AFF3: variants seen among roughly 807,000 people sequenced by gnomAD.
AFF3 encodes ALF transcription elongation factor 3.
A neutral mutation model predicts 129.7 loss-of-function variants in AFF3; 32 were observed. The observed-to-expected ratio is 0.25, with a 90% confidence interval of 0.19 to 0.33. AFF3 has a LOEUF of 0.33. Among genes scored for constraint, AFF3 ranks in the 10% least tolerant of loss-of-function variants. AFF3 has a pLI of 1.00. For synonymous variants in AFF3, 644 were observed against 635.4 expected (o/e 1.01, Z -0.20); for missense variants, 1,373 against 1,592.0 (o/e 0.86, Z 2.34).
chr2:99,600,090 G>C (rs1409385208), intron 14 of AFF3, among the ~76,000 whole-genome samples: 3 of 152,154 alleles, frequency 2.0e-5, no homozygotes, highest in Admixed American at 6.5e-5. Context: ...TTACCATAAG[G>C]CTTTCATAGG....
chr2:99,586,554 C>G (rs1559507596), intron 16 of AFF3, among the ~76,000 whole-genome samples: 1 of 152,158 alleles, frequency 6.6e-6, no homozygotes, highest in Non-Finnish European at 1.5e-5. Flanking sequence ...GAAAGAGCTT[C>G]TACGACTGAT....
At chr2:99,962,748 C>T (rs1020935504) in intron 7 of AFF3, among the ~76,000 whole-genome samples, 29 of 150,970 alleles carry the variant, frequency 1.9e-4, no homozygotes, top group African/African-American at 6.6e-4. Context: ...TTGTCTTTTC[C>T]GTTTTTTTTA....
chr2:99,736,608 A>AT (rs11399049), intron 10 of AFF3, among the ~76,000 whole-genome samples: 84,813 of 125,590 alleles, frequency 0.68, 30,271 homozygotes, highest in South Asian at 0.88. Context: ...TAAATTACTG[A>AT]TTTTTTTTTT....
At chr2:99,844,198 G>T (rs1689536753) in intron 7 of AFF3, among the ~76,000 whole-genome samples, 1 of 152,108 alleles carries the variant, frequency 6.6e-6, no homozygotes, top group African/African-American at 2.4e-5. Context: ...TGTACGAAGA[G>T]GAGCAAACCA....
At chr2:99,727,519 G>A (rs1003462104) in intron 10 of AFF3, among the ~76,000 whole-genome samples, 9 of 151,582 alleles carry the variant, frequency 5.9e-5, no homozygotes, top group African/African-American at 2.2e-4. Context: ...GCTAACATAA[G>A]CCAAACCAGG....
At position 99,633,990 on chromosome 2, in the gene AFF3, C is replaced by T. The variant is rs1045045623; in HGVS notation, c.1184+15636G>A. Among the ~76,000 whole-genome samples, 83 of 148,376 alleles carry T rather than the reference C, an allele frequency of 5.6e-4. 1 individual carries two copies. Among genetic ancestry groups the T allele is most frequent in the Non-Finnish European group, 8.9e-5 (6 of 67,736 alleles). On this transcript the variant is annotated intron_variant, in intron 13 of 24. Coordinates refer to ENST00000672756, the MANE Select transcript of AFF3 (RefSeq NM_001386135.1). ...AGTGCAGTGGCATGATCTCAGCTCG[C>T]TGCCTCCTCCGCCTCCTGGGTTCAA...
intron 10 of AFF3, among the ~76,000 whole-genome samples, chr2:99,736,599 A>G (rs1680277791): frequency 6.9e-6 from 1 of 145,714 alleles, no homozygotes; most frequent in African/African-American, 2.5e-5. Context: ...CCATTTGTTT[A>G]AATTACTGAT....
At chr2:100,092,035 T>C (rs1366483530) in intron 4 of AFF3, among the ~76,000 whole-genome samples, 1 of 151,110 alleles carries the variant, frequency 6.6e-6, no homozygotes, top group Non-Finnish European at 1.5e-5. Flanking sequence ...TCTTGTCCAA[T>C]CTCAAGGCTT....
intron 7 of AFF3, among the ~76,000 whole-genome samples, chr2:99,950,033 T>A (rs1469670159): frequency 6.6e-6 from 1 of 152,180 alleles, no homozygotes; most frequent in African/African-American, 2.4e-5. Context: ...ACTCTACTCT[T>A]CTATTTTCCC....
chr2:99,593,101 C>T, intron 15 of AFF3, 94 bp downstream of exon 15: 1 of 1,427,904 alleles, frequency 7.0e-7, no homozygotes, highest in Non-Finnish European at 9.3e-7. Flanking sequence ...CCGTCCCAAA[C>T]AGCAGCCTAT....
chr2:99,979,805 T>A (rs1179000844), intron 7 of AFF3, among the ~76,000 whole-genome samples: 1 of 152,144 alleles, frequency 6.6e-6, no homozygotes, highest in Non-Finnish European at 1.5e-5. Flanking sequence ...TACCTTTTAT[T>A]TTTAAAAAAT....
At chr2:99,616,582 T>C (rs565737595) in intron 13 of AFF3, among the ~76,000 whole-genome samples, 2 of 152,194 alleles carry the variant, frequency 1.3e-5, no homozygotes, top group East Asian at 1.9e-4. Flanking sequence ...GGTGAAACCC[T>C]GTCTCTACTA....
Position 99,963,507 on chromosome 2 carries a change from G to A in AFF3, c.873+43125C>T, listed in dbSNP as rs368199585. On this transcript the variant is annotated intron_variant, in intron 7 of 24. Transcript: ENST00000672756. ...GCAGTCAGGTTTCTACATTCTACAC[G>A]AGGTTTAACACTCATTCAAAGTGGT... Among the ~76,000 whole-genome samples the A allele has an allele frequency of 2.5e-4, 38 of 152,062 alleles. No homozygotes were observed. The East Asian group carries it at 5.4e-3, about 22-fold the overall frequency.
intron 19 of AFF3, among the ~76,000 whole-genome samples, chr2:99,566,403 T>C (rs1675971602): frequency 6.6e-6 from 1 of 152,182 alleles, no homozygotes; most frequent in Admixed American, 6.5e-5. Context: ...TGATTTTTGG[T>C]TGGGCCTGGC....
intron 4 of AFF3, among the ~76,000 whole-genome samples, chr2:100,024,175 T>C (rs1573159799): frequency 8.0e-6 from 1 of 125,338 alleles, no homozygotes; most frequent in African/African-American, 3.2e-5. Context: ...GAGCTTGCAG[T>C]GAGCCGAGAT....
At chr2:100,041,812 A>G (rs1414829048) in intron 4 of AFF3, among the ~76,000 whole-genome samples, 1 of 152,154 alleles carries the variant, frequency 6.6e-6, no homozygotes, top group African/African-American at 2.4e-5. Context: ...TTTCAACCAA[A>G]CATATAGAAG....
chr2:99,744,058 C>A, intron 10 of AFF3, 46 bp downstream of exon 10: 1 of 1,553,398 alleles, frequency 6.4e-7, no homozygotes, highest in Non-Finnish European at 8.8e-7. Flanking sequence ...CCTCTGCCCC[C>A]ACCCCCTGCT....
chr2:99,905,477 G>C (rs1405793318), intron 7 of AFF3, among the ~76,000 whole-genome samples: 1 of 152,120 alleles, frequency 6.6e-6, no homozygotes, highest in Non-Finnish European at 1.5e-5. Context: ...TATATCATCA[G>C]CTACAGTTTC....
intron 4 of AFF3, among the ~76,000 whole-genome samples, chr2:100,088,284 AC>A (rs1441512405): frequency 6.6e-6 from 1 of 152,200 alleles, no homozygotes; most frequent in African/African-American, 2.4e-5. Context: ...CCTAAAAAAT[AC>A]ACACACAACT....
Sources: allele counts gnomAD v4.1 joint callset (sites outside exome capture counted in the v4.1 genomes callset), GRCh38; gene constraint gnomAD v4.1.1; transcripts MANE v1.5; gene names NCBI Gene and HGNC (gene_info 2026-07-23, HGNC 2026-07-21).